The following TRIM66 variants were observed in gnomAD, a reference collection of about 807,000 sequenced individuals.
TRIM66 encodes the protein tripartite motif-containing protein 66.
In TRIM66, 99 loss-of-function variants were observed where a neutral mutation model predicts 148.2. The ratio of observed to expected loss-of-function variants is 0.67; its 90% CI spans 0.57 to 0.79. The LOEUF is 0.79. Among genes scored for constraint, TRIM66 ranks in the 30% least tolerant of loss-of-function variants. TRIM66 has a pLI of 0.00. For synonymous variants in TRIM66, 616 were observed against 635.9 expected (o/e 0.97, Z 0.47); for missense variants, 1,666 against 1,697.9 (o/e 0.98, Z 0.33).
intron 17 of TRIM66, 70 bp from the exon 18 acceptor site, chr11:8,622,946 T>C: frequency 7.7e-7 from 1 of 1,299,786 alleles, no homozygotes; most frequent in Non-Finnish European, 1.1e-6. Context: ...GCATATCTTC[T>C]ACTTATATCT....
At chr11:8,682,902 A>C, upstream of TRIM66, 12 of 1,473,274 alleles carry the variant, frequency 8.1e-6, no homozygotes, top group Non-Finnish European at 1.1e-5. Flanking sequence ...TCCACTCCCT[A>C]CCATGGTCGG....
At chr11:8,658,724 C>T (rs1164686740) in intron 6 of TRIM66, 1 of 975,996 alleles carries the variant, frequency 1.0e-6, no homozygotes, top group South Asian at 4.7e-5. Context: ...AGATGCCAGG[C>T]ACACACTCTC....
chr11:8,675,729 T>G (rs2039146799), intron 3 of TRIM66, among the ~76,000 whole-genome samples: 1 of 151,518 alleles, frequency 6.6e-6, no homozygotes, highest in Non-Finnish European at 1.5e-5. Flanking sequence ...TTTTATTTTT[T>G]TAATTATTAT....
chr11:8,631,768 T>C (rs574813610), intron 15 of TRIM66, among the ~76,000 whole-genome samples: 15 of 152,384 alleles, frequency 9.8e-5, no homozygotes, highest in African/African-American at 3.6e-4. Flanking sequence ...TTAAGCTTGC[T>C]AGATCAAGAA....
chr11:8,654,008 A>T (rs1039252050), intron 6 of TRIM66, among the ~76,000 whole-genome samples: 2 of 152,158 alleles, frequency 1.3e-5, no homozygotes, highest in Non-Finnish European at 2.9e-5. Flanking sequence ...TGACCTCCTC[A>T]TCTACAGCAG....
At chr11:8,657,798 G>T (rs1213037457) in intron 6 of TRIM66, among the ~76,000 whole-genome samples, 1 of 152,152 alleles carries the variant, frequency 6.6e-6, no homozygotes, top group Non-Finnish European at 1.5e-5. Flanking sequence ...GAAACATGTT[G>T]CACCCAATCC....
At chr11:8,626,228 T>A (rs1365486629) in intron 15 of TRIM66, among the ~76,000 whole-genome samples, 1 of 151,814 alleles carries the variant, frequency 6.6e-6, no homozygotes, top group African/African-American at 2.4e-5. Context: ...CCCTGCCCTT[T>A]AAAAAAAAGA....
At position 8,641,131 on chromosome 11, in the gene TRIM66, C is replaced by T; in HGVS notation, c.1244G>A (p.Gly415Glu). The T allele has an allele frequency of 6.4e-7, 1 of 1,551,204 alleles. No individual in the cohort carries two copies. Among genetic ancestry groups the T allele is most frequent in the Non-Finnish European group, 8.7e-7 (1 of 1,146,612 alleles). The change falls in exon 14 of 25, where the codon GGA (glycine) becomes GAA (glutamate). Residue 415 changes from glycine to glutamate, a missense_variant. This residue lies in a region of TRIM66 where 1,431 missense variants were observed against 1,412.4 expected (regional missense o/e 1.01). Coordinates refer to ENST00000646038, the MANE Select transcript of TRIM66 (RefSeq NM_001388022.1). ...ASLGCITTEG[G>E]QMSRADAPAY... ...AGGAGCATCTGCCCTGGACATTTGT[C>T]CACCTTCAGTAGTTATGCAGCCTGA... is the stretch of plus-strand genomic sequence containing the variant.
intron 8 of TRIM66, among the ~76,000 whole-genome samples, chr11:8,648,863 C>T (rs1382673496): frequency 1.3e-5 from 2 of 152,236 alleles, no homozygotes; most frequent in African/African-American, 4.8e-5. Flanking sequence ...CACAATTAAC[C>T]TTAACCTGTT....
chr11:8,624,905 A>C lies in TRIM66; in HGVS notation c.2634T>G (p.Pro878=). The part of the protein sequence containing the change: ...QAMASLASDH[P]QAGPSLMSGH... Reference sequence around the variant, plus strand: ...CAGACATTAGGCTGGGCCCAGCCTGAGGGTGATCACTTGCCAGGCTTGCCA... The same window carrying C: ...CAGACATTAGGCTGGGCCCAGCCTGCGGGTGATCACTTGCCAGGCTTGCCA... Residue 878 remains proline, a synonymous_variant, in exon 16 of 25, where the codon CCT becomes CCG. Coordinates refer to ENST00000646038, the MANE Select transcript of TRIM66 (RefSeq NM_001388022.1). 1 of 1,551,658 alleles carries C rather than the reference A, an allele frequency of 6.4e-7. No individual in the cohort carries two copies. Among genetic ancestry groups the C allele is most frequent in the Non-Finnish European group, 8.7e-7 (1 of 1,146,960 alleles).
At chr11:8,636,176 C>A (rs569081075) in intron 15 of TRIM66, among the ~76,000 whole-genome samples, 1 of 152,218 alleles carries the variant, frequency 6.6e-6, no homozygotes, top group Non-Finnish European at 1.5e-5. Flanking sequence ...CACCCAGAAG[C>A]AACTCAGCTC....
At chr11:8,633,983 C>T (rs2035645842) in intron 15 of TRIM66, among the ~76,000 whole-genome samples, 2 of 152,132 alleles carry the variant, frequency 1.3e-5, no homozygotes, top group Non-Finnish European at 2.9e-5. Context: ...GAATGCCTAC[C>T]GCTTCTGTAT....
In TRIM66 at chr11:8,649,875, A is replaced by G. The variant is rs2037202825; in HGVS notation, c.457T>C (p.Cys153Arg). Residue 153 changes from cysteine (C) to arginine (R), a missense_variant, in exon 8 of 25, where the codon TGC becomes CGC. Coordinates refer to ENST00000646038, the MANE Select transcript of TRIM66 (RefSeq NM_001388022.1). ...ATATGTGCTGCCCTCTTCTCCTTGC[A>G]CTCAGAGCAGTTCTGGAAGCAGAGA... ...QPKMARNCSE[C>R]KEKRAAHILC... 6.4e-7 allele frequency: 1 copy of G among 1,551,168 alleles called. No individual in the cohort carries two copies. The highest frequency in any genetic ancestry group is 8.7e-7 in the Non-Finnish European group (1 of 1,146,750).
intron 6 of TRIM66, among the ~76,000 whole-genome samples, chr11:8,663,963 G>A (rs1210791416): frequency 6.6e-6 from 1 of 152,154 alleles, no homozygotes; most frequent in Non-Finnish European, 1.5e-5. Flanking sequence ...GCTACCAGGG[G>A]CTAGAGTGGT....
chr11:8,640,694 G>C lies in TRIM66; in HGVS notation c.1681C>G (p.Pro561Ala). 6.4e-7 allele frequency: 1 copy of C among 1,551,670 alleles called. No individual in the cohort carries two copies. The highest frequency in any genetic ancestry group is 8.7e-7 in the Non-Finnish European group (1 of 1,146,972). The change falls in exon 14 of 25, where the codon CCA becomes GCA. Residue 561 changes from proline to alanine, a missense_variant. Physicochemically the swap from Pro to Ala is conservative, Grantham distance 27. Transcript: ENST00000646038. ...LTSQPVCIVP[P>A]QDVQQGAHAQ... ...TGGGCTCCTTGCTGAACATCCTGTGGGGGGACAATGCACACGGGCTGGGAA... is the reference window on the plus strand; with the variant it reads ...TGGGCTCCTTGCTGAACATCCTGTGCGGGGACAATGCACACGGGCTGGGAA...
rs76591417 is a variant in TRIM66 at position 8,669,855 on chromosome 11, T to A, written c.340+1931A>T. ...AACCAAACCTGACCATCTCATTTATTTCTTTTAAGTTTTATTTTAGGTTCA... is the reference window on the plus strand; with the variant it reads ...AACCAAACCTGACCATCTCATTTATATCTTTTAAGTTTTATTTTAGGTTCA... On this transcript the variant is annotated intron_variant, in intron 6 of 24. Transcript: ENST00000646038. Among the ~76,000 whole-genome samples, 168 of 152,064 alleles carry A rather than the reference T, an allele frequency of 1.1e-3. 3 individuals are homozygous for A. In the East Asian group the frequency reaches 0.029, roughly 26 times the overall value.
chr11:8,621,626 A>T lies in TRIM66; in HGVS notation c.3255+19T>A. The stretch of plus-strand genomic sequence containing the variant: ...TAGGCTGGGCCAGGGTTTAAGGCCA[A>T]GGCAAAGCAAAGTGGTACCTTAATG... On this transcript the variant is annotated intron_variant, in intron 19 of 24. Coordinates refer to ENST00000646038, the MANE Select transcript of TRIM66 (RefSeq NM_001388022.1). 3 of 1,507,088 alleles carry T rather than the reference A, an allele frequency of 2.0e-6. No homozygotes were observed. Among genetic ancestry groups the T allele is most frequent in the Non-Finnish European group, 2.7e-6 (3 of 1,127,938 alleles). The allele number at this position is 1,507,088 out of a possible 1,614,324, so 93.4% of individuals were successfully genotyped here.
intron 6 of TRIM66, among the ~76,000 whole-genome samples, chr11:8,653,058 T>C (rs149859806): frequency 2.5e-3 from 380 of 152,356 alleles, no homozygotes; most frequent in African/African-American, 8.7e-3. Context: ...ATGTCAACTT[T>C]GGAGTTCAAA....
chr11:8,619,566 C>A, intron 22 of TRIM66, 31 bp from the exon 23 acceptor site: 1 of 1,488,628 alleles, frequency 6.7e-7, no homozygotes, highest in Non-Finnish European at 8.9e-7. Flanking sequence ...GAGAAGGAGG[C>A]AAAGGGAGTG....
Sources: gnomAD v4.1 joint callset for allele counts (sites outside exome capture counted in the v4.1 genomes callset) on GRCh38, gnomAD v4.1.1 for gene constraint, gnomAD v4.1.1 regional missense constraint, MANE v1.5 for transcripts, NCBI Gene and HGNC (gene_info 2026-07-23, HGNC 2026-07-21) for gene names.